Variants in TTLL5 observed in about 807,000 individuals in gnomAD.
TTLL5 encodes the protein tubulin tyrosine ligase like 5.
Under a neutral mutation model 168.4 loss-of-function variants are expected in TTLL5, and 132 were observed. The observed-to-expected ratio is 0.78, with a 90% CI of 0.68 to 0.91. The LOEUF is 0.91. Among genes scored for constraint, TTLL5 ranks in the 40% least tolerant of loss-of-function variants. The pLI is 0.00. For synonymous variants in TTLL5, 546 were observed against 558.6 expected, an observed-to-expected ratio of 0.98 and a Z score of 0.32; for missense variants, 1,545 against 1,581.5, an observed-to-expected ratio of 0.98 and a Z score of 0.39.
rs546080984 is a variant in TTLL5, at chr14:75,909,927, A to G, written c.3823+7703A>G. Reference sequence around the variant, plus strand: ...CATTTCATTTAGTAACTGTTTCTACATTCAGAAACAAAACCCAAGTATAGC... The same window carrying G: ...CATTTCATTTAGTAACTGTTTCTACGTTCAGAAACAAAACCCAAGTATAGC... On this transcript the variant is annotated intron_variant, in intron 31 of 31. Transcript: ENST00000298832. 5.9e-5 allele frequency among the ~76,000 whole-genome samples: 9 copies of G among 152,356 alleles called. No individual in the cohort carries two copies. In the South Asian group the frequency reaches 1.9e-3, roughly 32 times the overall value.
intron 28 of TTLL5, among the ~76,000 whole-genome samples, chr14:75,854,567 T>C (rs1219486095): frequency 6.6e-6 from 1 of 152,234 alleles, no homozygotes; most frequent in Non-Finnish European, 1.5e-5. Context: ...AATATATGTT[T>C]AACTTTATAA....
At chr14:75,764,511 A>G in intron 18 of TTLL5, 104 bp from the exon 19 acceptor site, 4 of 1,362,650 alleles carry the variant, frequency 2.9e-6, no homozygotes, top group Non-Finnish European at 4.1e-6. Context: ...CACTTGAGTT[A>G]CCATGTCCAG....
At chr14:75,864,514 C>A (rs964687479) in intron 29 of TTLL5, among the ~76,000 whole-genome samples, 1 of 152,168 alleles carries the variant, frequency 6.6e-6, no homozygotes, top group Non-Finnish European at 1.5e-5. Flanking sequence ...TGATTCGCTA[C>A]TCACTGTCTA....
intron 28 of TTLL5, among the ~76,000 whole-genome samples, chr14:75,826,603 T>G (rs1279321067): frequency 2.6e-5 from 4 of 152,184 alleles, no homozygotes; most frequent in Admixed American, 6.5e-5. Flanking sequence ...ATTATTTTGG[T>G]TTTAAGAGGC....
At chr14:75,918,597 A>T (rs560131369) in intron 31 of TTLL5, among the ~76,000 whole-genome samples, 33 of 152,162 alleles carry the variant, frequency 2.2e-4, no homozygotes, top group Non-Finnish European at 4.7e-4. Flanking sequence ...GTAAATGAGG[A>T]AGATGGAAAA....
chr14:75,783,648 A>G (rs1782351848), intron 26 of TTLL5, 118 bp downstream of exon 26: 2 of 1,371,294 alleles, frequency 1.5e-6, no homozygotes, highest in Admixed American at 4.8e-5. Context: ...ATGGACACAC[A>G]CTGCATTGTT....
chr14:75,942,153 A>G (rs940319276), intron 31 of TTLL5, among the ~76,000 whole-genome samples: 30 of 149,776 alleles, frequency 2.0e-4, no homozygotes, highest in African/African-American at 7.4e-4. Context: ...ACTGCACTCC[A>G]TCCTGGGCTA....
At chr14:75,934,745 G>A (rs76141071) in intron 31 of TTLL5, among the ~76,000 whole-genome samples, 5,954 of 152,190 alleles carry the variant, frequency 0.039, 133 homozygotes, top group Middle Eastern at 0.1. Context: ...AACTGCAGAA[G>A]GTAAAACTGA....
chr14:75,891,091 A>C (rs1284396106), intron 30 of TTLL5, among the ~76,000 whole-genome samples: 2 of 152,172 alleles, frequency 1.3e-5, no homozygotes, highest in African/African-American at 4.8e-5. Flanking sequence ...CTGACATTCA[A>C]GCCTTCTGCA....
At chr14:75,797,751 C>T (rs1158291518) in intron 27 of TTLL5, among the ~76,000 whole-genome samples, 1 of 152,074 alleles carries the variant, frequency 6.6e-6, no homozygotes, top group Non-Finnish European at 1.5e-5. Context: ...TGCCCGCATC[C>T]CTGGTATGAA....
intron 29 of TTLL5, among the ~76,000 whole-genome samples, chr14:75,877,502 C>T (rs188698581): frequency 6.6e-6 from 1 of 152,130 alleles, no homozygotes; most frequent in African/African-American, 2.4e-5. Flanking sequence ...TGGTTTTTCT[C>T]TGAGTCTTCT....
intron 31 of TTLL5, among the ~76,000 whole-genome samples, chr14:75,947,605 T>C (rs1235885530): frequency 5.3e-5 from 8 of 152,182 alleles, no homozygotes; most frequent in African/African-American, 1.9e-4. Context: ...AACTCAGTAA[T>C]TGCTAGATTG....
intron 31 of TTLL5, among the ~76,000 whole-genome samples, chr14:75,917,523 G>T (rs1301462384): frequency 6.6e-6 from 1 of 152,180 alleles, no homozygotes; most frequent in African/African-American, 2.4e-5. Flanking sequence ...ATCTCAAATG[G>T]CTCATTAGGG....
chr14:75,766,470 A>G, intron 20 of TTLL5, 102 bp downstream of exon 20: 1 of 1,114,254 alleles, frequency 9.0e-7, no homozygotes, highest in Non-Finnish European at 1.2e-6. Context: ...TTCATTTAAT[A>G]TTTACAGAAG....
At chr14:75,762,123 T>C (rs1812066) in intron 18 of TTLL5, among the ~76,000 whole-genome samples, 115,096 of 151,992 alleles carry the variant, frequency 0.76, 43,884 homozygotes, top group Admixed American at 0.8. Flanking sequence ...GGGCTGGGCG[T>C]GGTGGCTCAC....
intron 26 of TTLL5, among the ~76,000 whole-genome samples, chr14:75,788,682 T>C (rs1194205712): frequency 6.6e-6 from 1 of 152,146 alleles, no homozygotes; most frequent in Non-Finnish European, 1.5e-5. Context: ...AAAAGGTAGA[T>C]AATTTCAATA....
chr14:75,726,812 A>G (rs1888213619), intron 12 of TTLL5, among the ~76,000 whole-genome samples: 2 of 152,206 alleles, frequency 1.3e-5, no homozygotes, highest in African/African-American at 2.4e-5. Context: ...TCTTGTAGCT[A>G]ACAGACAGCC....
intron 28 of TTLL5, among the ~76,000 whole-genome samples, chr14:75,840,758 T>C (rs950133742): frequency 3.9e-5 from 6 of 152,254 alleles, no homozygotes; most frequent in Non-Finnish European, 8.8e-5. Context: ...TTCCATGCCC[T>C]AGAAATAATT....
chr14:75,881,214 T>C (rs951026648), intron 29 of TTLL5, among the ~76,000 whole-genome samples: 7 of 152,182 alleles, frequency 4.6e-5, no homozygotes, highest in African/African-American at 1.7e-4. Context: ...GAACCTGGCT[T>C]TGTCTTTGTT....
Sources: gnomAD v4.1 joint callset for allele counts (sites outside exome capture counted in the v4.1 genomes callset) on GRCh38, gnomAD v4.1.1 for gene constraint, MANE v1.5 for transcripts, NCBI Gene and HGNC (gene_info 2026-07-23, HGNC 2026-07-21) for gene names.